Variants in EIF3H observed in about 807,000 individuals in gnomAD.
EIF3H encodes the protein eukaryotic translation initiation factor 3 subunit H.
A neutral mutation model predicts 44.2 loss-of-function variants in EIF3H; 26 were observed. That is an observed-to-expected ratio of 0.59 (90% confidence interval 0.43 to 0.82). EIF3H has a LOEUF of 0.82. Among genes scored for constraint, EIF3H ranks in the 40% least tolerant of loss-of-function variants. The pLI is 0.00. For missense variants in EIF3H, 359 were observed against 432.8 expected (o/e 0.83, Z 1.51); for synonymous variants, 166 against 151.9 (o/e 1.09, Z -0.68).
At chr8:116,678,170 T>C (rs1416066718) in intron 2 of EIF3H, among the ~76,000 whole-genome samples, 1 of 151,576 alleles carries the variant, frequency 6.6e-6, no homozygotes, top group East Asian at 1.9e-4. Flanking sequence ...TCGTTTTTTT[T>C]TTTTGGTGGA....
chr8:116,688,967 G>C lies in EIF3H; in HGVS notation c.290-29987C>G, dbSNP rs1369154341. On this transcript the variant is annotated intron_variant, in intron 2 of 7. Coordinates refer to ENST00000521861, the MANE Select transcript of EIF3H (RefSeq NM_003756.3). ...TTCCCTCCTAGGAATATACCCGAGA[G>C]AAATGAAAGCAATGTCCACACAATT... The C allele has an allele frequency of 9.0e-6, 3 of 331,588 alleles. No homozygotes were observed. The Admixed American group carries it at 1.0e-4, about 12-fold the overall frequency. 20.5% of individuals were successfully genotyped at this position (331,588 alleles called of 1,614,324 possible).
At chr8:116,648,758 C>T (rs762151209) in intron 6 of EIF3H, 48 bp downstream of exon 6, 2 of 1,536,612 alleles carry the variant, frequency 1.3e-6, no homozygotes, top group Non-Finnish European at 1.8e-6. Context: ...TCTTGAAATA[C>T]ATGAAACTTA....
At chr8:116,678,229 G>A (rs1198502954) in intron 2 of EIF3H, among the ~76,000 whole-genome samples, 2 of 151,870 alleles carry the variant, frequency 1.3e-5, no homozygotes, top group East Asian at 3.9e-4. Flanking sequence ...TCCTAACTGC[G>A]AGTGATCCGC....
At position 116,680,759 on chromosome 8, in the gene EIF3H, C is replaced by T. The variant is rs541471675; in HGVS notation, c.290-21779G>A. ...TTCACTTGTTTATCTACTGACCTTC[C>T]CTCCACTATTGTCCTATGACCCTGC... On this transcript the variant is annotated intron_variant, in intron 2 of 7. Coordinates refer to ENST00000521861, the MANE Select transcript of EIF3H (RefSeq NM_003756.3). Among the ~76,000 whole-genome samples the T allele has an allele frequency of 6.1e-3, 887 of 146,366 alleles. 5 individuals carry two copies. Among genetic ancestry groups the T allele is most frequent in the South Asian group, 0.014 (63 of 4,518 alleles).
chr8:116,685,785 GCTTA>G (rs1429693108), intron 2 of EIF3H, among the ~76,000 whole-genome samples: 2 of 152,012 alleles, frequency 1.3e-5, no homozygotes, highest in Non-Finnish European at 2.9e-5. Context: ...CAAATTCTAC[GCTTA>G]CTTCAGTATA....
intron 1 of EIF3H, among the ~76,000 whole-genome samples, chr8:116,742,026 C>T (rs757990263): frequency 1.7e-4 from 25 of 150,602 alleles, no homozygotes; most frequent in Non-Finnish European, 2.8e-4. Context: ...AAATAATAAA[C>T]GGGATTTAAA....
chr8:116,646,741 A>T, intron 6 of EIF3H, 138 bp from the exon 7 acceptor site: 1 of 1,217,912 alleles, frequency 8.2e-7, no homozygotes, highest in Non-Finnish European at 1.1e-6. Context: ...AACATTTGGT[A>T]ACTTGCGTCT....
intron 1 of EIF3H, among the ~76,000 whole-genome samples, chr8:116,765,106 G>A (rs772517707): frequency 6.6e-6 from 1 of 152,224 alleles, no homozygotes; most frequent in South Asian, 2.1e-4. Context: ...GTGGTATCTC[G>A]TTTCTCTGTC....
intron 1 of EIF3H, among the ~76,000 whole-genome samples, chr8:116,728,136 A>G (rs529560253): frequency 6.6e-6 from 1 of 152,352 alleles, no homozygotes; most frequent in African/African-American, 2.4e-5. Context: ...CACGACCAAT[A>G]AACCAATTAT....
chr8:116,669,478 CT>C (rs1813719077), intron 2 of EIF3H, among the ~76,000 whole-genome samples: 1 of 152,144 alleles, frequency 6.6e-6, no homozygotes, highest in Admixed American at 6.5e-5. Context: ...TGCCAGCTTA[CT>C]CAGGGGACTG....
At chr8:116,680,257 T>C (rs1485879682) in intron 2 of EIF3H, among the ~76,000 whole-genome samples, 1 of 41,576 alleles carries the variant, frequency 2.4e-5, no homozygotes, top group African/African-American at 6.9e-5. Flanking sequence ...TGAGGGGCGC[T>C]TCTGCCCGGC....
chr8:116,671,879 G>A (rs1813762825), intron 2 of EIF3H, among the ~76,000 whole-genome samples: 1 of 152,202 alleles, frequency 6.6e-6, no homozygotes, highest in Non-Finnish European at 1.5e-5. Context: ...CAGTGTAGAA[G>A]AATAGTTGCA....
intron 1 of EIF3H, among the ~76,000 whole-genome samples, chr8:116,743,191 T>C (rs1194287444): frequency 1.3e-5 from 2 of 152,174 alleles, no homozygotes; most frequent in East Asian, 3.9e-4. Flanking sequence ...GGCTCACACC[T>C]GTAATACTAG....
chr8:116,675,228 C>G (rs978227682), intron 2 of EIF3H, among the ~76,000 whole-genome samples: 1 of 152,184 alleles, frequency 6.6e-6, no homozygotes, highest in Admixed American at 6.5e-5. Flanking sequence ...CCAATAAAAC[C>G]TATTTCAGAC....
chr8:116,666,753 C>CAAAAAAAAAAAAAAAAAAAAAAAAAAAA (rs56700266), intron 2 of EIF3H, among the ~76,000 whole-genome samples: 4 of 71,446 alleles, frequency 5.6e-5, no homozygotes, highest in African/African-American at 2.7e-4. Flanking sequence ...TAGTGTTAGG[C>CAAAAAAAAAAAAAAAAAAAAAAAAAAAA]AAAAAAAAAA....
intron 2 of EIF3H, among the ~76,000 whole-genome samples, chr8:116,712,553 T>C (rs926000039): frequency 1.3e-5 from 2 of 152,148 alleles, no homozygotes; most frequent in East Asian, 1.9e-4. Flanking sequence ...GCATCTAAAA[T>C]GTACTGAGTA....
At chr8:116,671,305 G>C (rs922702540) in intron 2 of EIF3H, among the ~76,000 whole-genome samples, 10 of 152,192 alleles carry the variant, frequency 6.6e-5, no homozygotes. Context: ...AGGCTTTTGA[G>C]AATGTGTCAA....
At chr8:116,731,199 G>A (rs942706154) in intron 1 of EIF3H, among the ~76,000 whole-genome samples, 1 of 152,164 alleles carries the variant, frequency 6.6e-6, no homozygotes, top group Non-Finnish European at 1.5e-5. Flanking sequence ...ATTCCCAGCT[G>A]AGCAAAATCA....
chr8:116,727,623 C>T (rs1246787530), intron 1 of EIF3H, among the ~76,000 whole-genome samples: 1 of 152,208 alleles, frequency 6.6e-6, no homozygotes, highest in Non-Finnish European at 1.5e-5. Flanking sequence ...GTCAGCTTAA[C>T]ATTCCATAGT....
Sources: gnomAD v4.1 joint callset for allele counts (sites outside exome capture counted in the v4.1 genomes callset) on GRCh38, gnomAD v4.1.1 for gene constraint, MANE v1.5 for transcripts, NCBI Gene and HGNC (gene_info 2026-07-23, HGNC 2026-07-21) for gene names.